LACTB2: variants seen among roughly 807,000 people sequenced by gnomAD.
LACTB2 encodes endoribonuclease LACTB2.
A neutral mutation model predicts 34.8 loss-of-function variants in LACTB2; 32 were observed. The observed-to-expected ratio is 0.92, with a 90% CI of 0.69 to 1.24. The LOEUF (loss-of-function observed/expected upper bound fraction) is 1.24, where lower values mean the gene tolerates loss of function less well. LACTB2 is among the 50% of genes most tolerant of loss of function. The pLI, the probability that LACTB2 is intolerant of heterozygous loss-of-function variation, is 0.00. For synonymous variants in LACTB2, 120 were observed against 117.5 expected, an observed-to-expected ratio of 1.02 and a Z score of -0.14; for missense variants, 320 against 345.0, an observed-to-expected ratio of 0.93 and a Z score of 0.57.
intron 3 of LACTB2, among the ~76,000 whole-genome samples, chr8:70,650,735 C>CAAAAAAAAAAAAAAAAA (rs61025700): frequency 8.7e-4 from 40 of 46,206 alleles, no homozygotes; most frequent in African/African-American, 1.7e-3. Flanking sequence ...GACTCCATCT[C>CAAAAAAAAAAAAAAAAA]AAAAAAAAAA....
chr8:70,638,649 G>T lies in LACTB2; in HGVS notation c.742-20C>A. On this transcript the variant is annotated intron_variant, in intron 5 of 6. Transcript: ENST00000276590. ...AGTATTCTAAAAGAAAAATGAAGGT[G>T]AAAAAAATTCCTTTTTTTTTAAAAA... The T allele has an allele frequency of 1.6e-6, 2 of 1,282,950 alleles. No individual in the cohort carries two copies. The highest frequency in any genetic ancestry group is 2.0e-6 in the Non-Finnish European group (2 of 999,962). 79.5% of individuals were successfully genotyped at this position (1,282,950 alleles called of 1,614,324 possible). A position where few individuals can be genotyped will look rare whatever the true frequency, so the allele number is the denominator to read the frequency against.
intron 1 of LACTB2, among the ~76,000 whole-genome samples, chr8:70,666,668 C>A (rs1327237889): frequency 1.3e-5 from 2 of 152,176 alleles, no homozygotes; most frequent in Non-Finnish European, 2.9e-5. Flanking sequence ...AATTAGGAGG[C>A]TATTACAGTA....
chr8:70,660,913 G>A, intron 2 of LACTB2: 1 of 455,832 alleles, frequency 2.2e-6, no homozygotes, highest in South Asian at 1.5e-5. Flanking sequence ...GAGTAGCTGG[G>A]ACTGCAGGTG....
intron 3 of LACTB2, among the ~76,000 whole-genome samples, chr8:70,652,177 A>G (rs1818351506): frequency 6.6e-6 from 1 of 152,176 alleles, no homozygotes; most frequent in Non-Finnish European, 1.5e-5. Flanking sequence ...CAACTGGCCA[A>G]TGAATACATG....
chr8:70,639,221 G>A (rs1026196956), intron 5 of LACTB2, among the ~76,000 whole-genome samples: 48 of 148,490 alleles, frequency 3.2e-4, no homozygotes, highest in Admixed American at 6.7e-4. Flanking sequence ...GTGCAATGGC[G>A]CGATCTCGGC....
At position 70,657,809 on chromosome 8, in the gene LACTB2, T is replaced by C. The variant is rs758881330; in HGVS notation, c.360A>G (p.Gln120=). 94 of 1,612,636 alleles carry C rather than the reference T, an allele frequency of 5.8e-5. No individual in the cohort carries two copies. The highest frequency in any genetic ancestry group is 7.9e-5 in the Non-Finnish European group (93 of 1,178,850). The change falls in exon 3 of 7, where the codon CAA becomes CAG. Residue 120 remains glutamine (Q), a synonymous_variant. Transcript: ENST00000276590. ...REEIIGNGEQ[Q]YVYLKDGDVI... The stretch of plus-strand genomic sequence containing the variant: ...CATCTCCATCTTTCAGATAAACATA[T>C]TGTTGCTCTCCATTTCCTATAATTT...
rs148723423 is a variant in LACTB2 at position 70,669,097 on chromosome 8, G to A, written c.24C>T (p.Val8=). 2 of 1,611,240 alleles carry A rather than the reference G, an allele frequency of 1.2e-6. No individual in the cohort carries two copies. Among genetic ancestry groups the A allele is most frequent in the African/African-American group, 1.3e-5 (1 of 75,026 alleles). Residue 8 remains valine, a synonymous_variant, in exon 1 of 7, where the codon GTC becomes GTT. Coordinates refer to ENST00000276590, the MANE Select transcript of LACTB2 (RefSeq NM_016027.3). ...GCACGACTCGATTGGACAGCCGCTC[G>A]ACGCGCTGCAGTACAGCAGCCATTC... MAAVLQR[V]ERLSNRVVRV... is the part of the protein sequence containing the mutation.
intron 1 of LACTB2, 167 bp from the exon 2 acceptor site, chr8:70,662,064 A>C: frequency 3.8e-6 from 2 of 523,952 alleles, no homozygotes; most frequent in Admixed American, 3.8e-5. Context: ...ATCTCACCCT[A>C]AGAAAGTTTT....
chr8:70,649,433 T>A (rs1818310015), intron 3 of LACTB2, among the ~76,000 whole-genome samples: 1 of 152,156 alleles, frequency 6.6e-6, no homozygotes. Flanking sequence ...AAATTAGTGA[T>A]AAATACACAG....
At chr8:70,658,212 A>C (rs1818436825) in intron 2 of LACTB2, among the ~76,000 whole-genome samples, 1 of 152,230 alleles carries the variant, frequency 6.6e-6, no homozygotes, top group Non-Finnish European at 1.5e-5. Flanking sequence ...CAGAACCTGG[A>C]AACTCTTCTC....
intron 3 of LACTB2, chr8:70,646,269 C>T (rs1296739012): frequency 6.6e-6 from 1 of 152,136 alleles, no homozygotes; most frequent in African/African-American, 2.4e-5. Flanking sequence ...AACAGGCAAC[C>T]TACAGAATGG....
intron 3 of LACTB2, among the ~76,000 whole-genome samples, chr8:70,647,305 T>G (rs1018355087): frequency 6.6e-6 from 1 of 151,674 alleles, no homozygotes; most frequent in African/African-American, 2.4e-5. Context: ...CAGGCTGGAG[T>G]GCAGTGGTGC....
intron 2 of LACTB2, chr8:70,660,298 GAAGAGGTAAGACAAAATTAA>G: frequency 3.5e-6 from 1 of 286,128 alleles, no homozygotes; most frequent in South Asian, 3.3e-5. Context: ...TAGATTAAAA[GAAGAGGTAAGACAAAATTAA>G]AAGAGGTAAG....
chr8:70,641,049 T>G lies in LACTB2; in HGVS notation c.594A>C (p.Gly198=), dbSNP rs760670061. ...CAGCATTATGAATTACTGGGCCATGTCCTGAATTAAAATAATTATAAGAGT... is the reference window on the plus strand; with the variant it reads ...CAGCATTATGAATTACTGGGCCATGGCCTGAATTAAAATAATTATAAGAGT... ...LKIKADIIYP[G]HGPVIHNAEA... The change falls in exon 5 of 7, where the codon GGA becomes GGC. Residue 198 remains glycine, a splice_region_variant and synonymous_variant. Transcript: ENST00000276590. 1.1e-5 allele frequency: 17 copies of G among 1,591,654 alleles called. No individual in the cohort carries two copies. The African/African-American group carries it at 2.3e-4, about 22-fold the overall frequency.
intron 5 of LACTB2, among the ~76,000 whole-genome samples, chr8:70,639,532 T>A (rs924979688): frequency 1.3e-4 from 20 of 152,240 alleles, no homozygotes; most frequent in Non-Finnish European, 1.3e-4. Flanking sequence ...AGAAACACAT[T>A]AATATTTTAT....
At chr8:70,645,763 C>CGATAGTTTGCTGA (rs1818256903) in intron 3 of LACTB2, among the ~76,000 whole-genome samples, 1 of 150,082 alleles carries the variant, frequency 6.7e-6, no homozygotes, top group Non-Finnish European at 1.5e-5. Flanking sequence ...TTTGTCCTTG[C>CGATAGTTTGCTGA]GATAGTTTGC....
At chr8:70,667,620 G>C (rs1397142504) in intron 1 of LACTB2, among the ~76,000 whole-genome samples, 2 of 152,132 alleles carry the variant, frequency 1.3e-5, no homozygotes, top group Admixed American at 6.6e-5. Context: ...CTTAGCACTA[G>C]CACTTTGCTA....
At position 70,657,885 on chromosome 8, in the gene LACTB2, A is replaced by G. The variant is rs761976441; in HGVS notation, c.287-3T>C. ...TTTTTTAATGCAATAGGTAGTGTCTAGTCATAAAACATATAAAATATATTA... is the reference window on the plus strand; with the variant it reads ...TTTTTTAATGCAATAGGTAGTGTCTGGTCATAAAACATATAAAATATATTA... On this transcript the variant is annotated splice_polypyrimidine_tract_variant and splice_region_variant and intron_variant, in intron 2 of 6. Transcript: ENST00000276590. The G allele has an allele frequency of 1.3e-5, 21 of 1,577,590 alleles. No homozygotes were observed. Among genetic ancestry groups the G allele is most frequent in the Non-Finnish European group, 1.7e-5 (20 of 1,152,720 alleles).
Position 70,657,858 on chromosome 8 carries a change from A to G in LACTB2, c.311T>C (p.Leu104Pro), listed in dbSNP as rs774350318. Residue 104 changes from leucine (L) to proline (P), a missense_variant, in exon 3 of 7, where the codon CTC (leucine) becomes CCC (proline). Transcript: ENST00000276590. ...NNDTTYCIKK[L>P]PRNPQREEII... ...TTCTTCTCTCTGAGGATTCCGTGGG[A>G]GTTTTTTAATGCAATAGGTAGTGTC... 3.1e-6 allele frequency: 5 copies of G among 1,603,198 alleles called. No homozygotes were observed. In the Admixed American group the frequency reaches 8.3e-5, roughly 27 times the overall value.
Sources: gnomAD v4.1 joint callset for allele counts (sites outside exome capture counted in the v4.1 genomes callset) on GRCh38, gnomAD v4.1.1 for gene constraint, MANE v1.5 for transcripts, NCBI Gene and HGNC (gene_info 2026-07-23, HGNC 2026-07-21) for gene names.